The following SNTG1 variants were observed in gnomAD, a reference collection of about 807,000 sequenced individuals.
SNTG1 encodes the protein syntrophin gamma 1, also known as gamma-1-syntrophin.
Under a neutral mutation model 74.7 loss-of-function variants are expected in SNTG1, and 39 were observed. That is an observed-to-expected ratio of 0.52 (90% CI 0.40 to 0.68). The LOEUF (loss-of-function observed/expected upper bound fraction) is 0.68, where lower values mean the gene tolerates loss of function less well. Among genes scored for constraint, SNTG1 ranks in the 30% least tolerant of loss-of-function variants. The pLI, the probability that SNTG1 is intolerant of heterozygous loss-of-function variation, is 0.00. For synonymous variants in SNTG1, 254 were observed against 217.1 expected (o/e 1.17, Z -1.49); for missense variants, 685 against 609.5 (o/e 1.12, Z -1.30).
chr8:50,070,841 C>T (rs1821302773), intron 1 of SNTG1, among the ~76,000 whole-genome samples: 1 of 152,180 alleles, frequency 6.6e-6, no homozygotes, highest in African/African-American at 2.4e-5. Flanking sequence ...CATTCTTGGT[C>T]AAAATGTGTC....
rs559467575 is a variant in SNTG1 at position 50,279,075 on chromosome 8, T to G, written c.-28+106440T>G. Among the ~76,000 whole-genome samples, 9 of 152,280 alleles carry G rather than the reference T, an allele frequency of 5.9e-5. No individual in the cohort carries two copies. The East Asian group carries it at 1.7e-3, about 29-fold the overall frequency. ...AATATTTTCTCACATCTATTCTTTA[T>G]GCAATCAATTAATGAATATTTATCA... On this transcript the variant is annotated intron_variant, in intron 2 of 18. Coordinates refer to ENST00000642720, the MANE Select transcript of SNTG1 (RefSeq NM_018967.5).
intron 1 of SNTG1, among the ~76,000 whole-genome samples, chr8:49,987,933 G>A (rs1033922084): frequency 2.0e-5 from 3 of 152,026 alleles, no homozygotes; most frequent in Non-Finnish European, 2.9e-5. Flanking sequence ...TTTTATTAAA[G>A]GTTATGCCAC....
At chr8:50,137,519 G>C (rs2081512719) in intron 1 of SNTG1, among the ~76,000 whole-genome samples, 1 of 152,312 alleles carries the variant, frequency 6.6e-6, no homozygotes, top group South Asian at 2.1e-4. Context: ...GAGGAGGACA[G>C]TCACTCATTA....
At chr8:50,701,623 T>C (rs1409340767) in intron 15 of SNTG1, among the ~76,000 whole-genome samples, 2 of 150,646 alleles carry the variant, frequency 1.3e-5, no homozygotes, top group East Asian at 2.0e-4. Context: ...TTCTTCGTGT[T>C]CCTCTTCCTC....
chr8:49,952,891 A>G (rs1452370741), intron 1 of SNTG1, among the ~76,000 whole-genome samples: 2 of 152,208 alleles, frequency 1.3e-5, no homozygotes, highest in Admixed American at 6.5e-5. Context: ...AATTACTGAA[A>G]TGGAAATAAC....
chr8:50,425,002 T>G (rs1305692450), intron 4 of SNTG1, among the ~76,000 whole-genome samples: 4 of 152,176 alleles, frequency 2.6e-5, no homozygotes, highest in African/African-American at 7.2e-5. Context: ...TGTGTAGCAT[T>G]GTTTATGAGA....
intron 13 of SNTG1, among the ~76,000 whole-genome samples, chr8:50,592,443 G>T (rs2130882588): frequency 6.6e-6 from 1 of 152,272 alleles, no homozygotes; most frequent in Admixed American, 6.5e-5. Flanking sequence ...TAGCCCCAAA[G>T]CTATTCTGTA....
intron 1 of SNTG1, among the ~76,000 whole-genome samples, chr8:50,101,358 T>A (rs945890339): frequency 6.6e-6 from 1 of 152,130 alleles, no homozygotes; most frequent in African/African-American, 2.4e-5. Flanking sequence ...ATCTCCAAAC[T>A]ACTTTCCACA....
chr8:50,328,964 T>C (rs928311839), intron 2 of SNTG1, among the ~76,000 whole-genome samples: 7 of 152,212 alleles, frequency 4.6e-5, no homozygotes, highest in African/African-American at 1.7e-4. Flanking sequence ...GGTGTAAGCA[T>C]TGGATAAATA....
intron 18 of SNTG1, among the ~76,000 whole-genome samples, chr8:50,756,447 T>G (rs1159375109): frequency 1.3e-5 from 2 of 151,852 alleles, no homozygotes; most frequent in Non-Finnish European, 2.9e-5. Context: ...GTAATATTTC[T>G]GTCTAAGTTC....
intron 15 of SNTG1, among the ~76,000 whole-genome samples, chr8:50,665,770 A>T (rs2095247988): frequency 6.6e-6 from 1 of 152,154 alleles, no homozygotes; most frequent in African/African-American, 2.4e-5. Flanking sequence ...TTAGCAATGG[A>T]TTATAACTCA....
At chr8:50,240,618 C>A (rs921497117) in intron 2 of SNTG1, among the ~76,000 whole-genome samples, 2 of 152,080 alleles carry the variant, frequency 1.3e-5, no homozygotes, top group East Asian at 1.9e-4. Flanking sequence ...GGGAAACAAG[C>A]GGCACAGAGG....
chr8:50,450,756 A>G, intron 8 of SNTG1, 27 bp downstream of exon 8: 11 of 1,608,320 alleles, frequency 6.8e-6, no homozygotes, highest in Non-Finnish European at 9.3e-6. Flanking sequence ...CTAATGTCAT[A>G]GTTTTCCCCA....
intron 11 of SNTG1, among the ~76,000 whole-genome samples, chr8:50,547,629 G>T (rs2094397531): frequency 6.6e-6 from 1 of 151,992 alleles, no homozygotes; most frequent in African/African-American, 2.4e-5. Flanking sequence ...CATAGCCAGA[G>T]GAGGACAGTA....
chr8:50,433,479 G>GTTT lies in SNTG1; in HGVS notation c.163-5052_163-5050dup, dbSNP rs11444705. The stretch of plus-strand genomic sequence containing the variant: ...TACTACATTGCACCATGAGTTTTCT[G>GTTT]TTTTTTTTTTTTTTCATTCTAATTC... On this transcript the variant is annotated intron_variant, in intron 4 of 18. Coordinates refer to ENST00000642720, the MANE Select transcript of SNTG1 (RefSeq NM_018967.5). 3.8e-3 allele frequency among the ~76,000 whole-genome samples: 534 copies of GTTT among 141,942 alleles called. 2 individuals are homozygous for GTTT. The highest frequency in any genetic ancestry group is 0.036 in the Middle Eastern group (10 of 278). 93.1% of individuals were successfully genotyped at this position (141,942 alleles called of 152,430 possible).
intron 15 of SNTG1, among the ~76,000 whole-genome samples, chr8:50,661,397 C>T (rs1181779774): frequency 1.3e-5 from 2 of 152,122 alleles, no homozygotes; most frequent in East Asian, 3.8e-4. Context: ...CAAATTGCCT[C>T]CTACAAGTCA....
At chr8:50,692,916 G>A (rs1317386400) in intron 15 of SNTG1, among the ~76,000 whole-genome samples, 2 of 152,208 alleles carry the variant, frequency 1.3e-5, no homozygotes, top group Admixed American at 6.5e-5. Flanking sequence ...CAGCTTCCTG[G>A]CCACTTCATT....
At position 50,215,640 on chromosome 8, in the gene SNTG1, G is replaced by T. The variant is rs951866641; in HGVS notation, c.-28+43005G>T. ...CTTAATTTAAAAAATAATTTTAAAA[G>T]TATTATCAATCCAGAGAAACTGTTG... On this transcript the variant is annotated intron_variant, in intron 2 of 18. Transcript: ENST00000642720. 1.3e-4 allele frequency among the ~76,000 whole-genome samples: 19 copies of T among 151,736 alleles called. No homozygotes were observed. The East Asian group carries it at 3.3e-3, about 26-fold the overall frequency.
At chr8:50,378,460 C>T (rs1167136616) in intron 2 of SNTG1, among the ~76,000 whole-genome samples, 1 of 152,172 alleles carries the variant, frequency 6.6e-6, no homozygotes, top group Non-Finnish European at 1.5e-5. Context: ...GGTGTTACAG[C>T]TGTTTTAGCC....
Sources: gnomAD v4.1 joint callset for allele counts (sites outside exome capture counted in the v4.1 genomes callset) on GRCh38, gnomAD v4.1.1 for gene constraint, MANE v1.5 for transcripts, NCBI Gene and HGNC (gene_info 2026-07-23, HGNC 2026-07-21) for gene names.